Variants in RNF170 observed in about 807,000 individuals in gnomAD.
The protein encoded by RNF170 is ring finger protein 170.
Under a neutral mutation model 32.7 loss-of-function variants are expected in RNF170, and 12 were observed. The ratio of observed to expected loss-of-function variants is 0.37; its 90% CI spans 0.24 to 0.60. The LOEUF is 0.60. RNF170 is among the 20% of genes least tolerant of loss of function. The pLI is 0.72. For missense variants in RNF170, 212 were observed against 311.2 expected, an observed-to-expected ratio of 0.68 and a Z score of 2.40; for synonymous variants, 91 against 103.6, an observed-to-expected ratio of 0.88 and a Z score of 0.74.
At chr8:42,872,888 T>A (rs1263685912) in intron 3 of RNF170, among the ~76,000 whole-genome samples, 5 of 152,156 alleles carry the variant, frequency 3.3e-5, no homozygotes, top group Non-Finnish European at 7.4e-5. Context: ...GGATAAATTA[T>A]AAAACCCTTA....
rs1192374986 is a variant in RNF170 at position 42,854,432 on chromosome 8, T to TTCCCTTTCA, written c.*1726_*1727insTGAAAGGGA. On this transcript the variant is annotated 3_prime_UTR_variant, in exon 7 of 7. Transcript: ENST00000527424. ...GGGGATTGTATCTATGAAAGGGAAG[T>TTCCCTTTCA]TGGTGTCCTGCGTTCCTCACAAAAT... 3.1e-6 allele frequency: 4 copies of TTCCCTTTCA among 1,287,110 alleles called. No individual in the cohort carries two copies. In the African/African-American group the frequency reaches 6.1e-5, roughly 20 times the overall value. The allele number at this position is 1,287,110 out of a possible 1,614,324, so 79.7% of individuals were successfully genotyped here.
intron 1 of RNF170, among the ~76,000 whole-genome samples, chr8:42,891,058 C>T (rs1806260686): frequency 6.6e-6 from 1 of 152,192 alleles, no homozygotes. Context: ...TTGTTGTTCA[C>T]AGTCAGTGAT....
intron 1 of RNF170, among the ~76,000 whole-genome samples, chr8:42,892,179 T>C (rs78679368): frequency 0.03 from 4,513 of 152,308 alleles, 98 homozygotes; most frequent in African/African-American, 0.055. Flanking sequence ...TTAATGTTTA[T>C]AAATTTTTAA....
At chr8:42,886,804 C>T (rs1805862408) in intron 2 of RNF170, among the ~76,000 whole-genome samples, 1 of 152,192 alleles carries the variant, frequency 6.6e-6, no homozygotes, top group Non-Finnish European at 1.5e-5. Flanking sequence ...GGGAGGACTG[C>T]TTGAGTCCAG....
At chr8:42,897,173 G>A (rs1563284120), upstream of RNF170, 1 of 1,249,122 alleles carries the variant, frequency 8.0e-7, no homozygotes, top group African/African-American at 1.5e-5. Context: ...AGCTGTGCGA[G>A]AGCCTCCTCA....
In RNF170 at chr8:42,854,172, C is replaced by T. The variant is rs1456875312; in HGVS notation, c.*1987G>A. ...GGAAGTGTAGAATTCGGATTCATGT[C>T]ATCTCCACAGACCTTTCCTCTTAGG... On this transcript the variant is annotated 3_prime_UTR_variant, in exon 7 of 7. Coordinates refer to ENST00000527424, the MANE Select transcript of RNF170 (RefSeq NM_030954.4). 1 of 1,287,030 alleles carries T rather than the reference C, an allele frequency of 7.8e-7. No homozygotes were observed. The highest frequency in any genetic ancestry group is 1.0e-6 in the Non-Finnish European group (1 of 988,680). 79.7% of individuals were successfully genotyped at this position (1,287,030 alleles called of 1,614,324 possible). A position where few individuals can be genotyped will look rare whatever the true frequency, so the allele number is the denominator to read the frequency against.
chr8:42,855,428 G>C lies in RNF170; in HGVS notation c.*731C>G, dbSNP rs1289943784. The C allele has an allele frequency of 2.6e-6, 2 of 754,738 alleles. No individual in the cohort carries two copies. Among genetic ancestry groups the C allele is most frequent in the Non-Finnish European group, 3.9e-6 (2 of 509,144 alleles). The allele number at this position is 754,738 out of a possible 1,614,324, so 46.8% of individuals were successfully genotyped here. A position where few individuals can be genotyped will look rare whatever the true frequency, so the allele number is the denominator to read the frequency against. On this transcript the variant is annotated 3_prime_UTR_variant, in exon 7 of 7. Transcript: ENST00000527424. ...GGGTTTCACCATGTTAGCCAGGATG[G>C]TCCTGATCTCCTGACCTTGTGATCT... is the stretch of plus-strand genomic sequence containing the variant.
chr8:42,861,535 G>T, intron 6 of RNF170: 2 of 521,650 alleles, frequency 3.8e-6, no homozygotes, highest in Non-Finnish European at 6.9e-6. Context: ...TAGAGATGGG[G>T]TTTCATCATG....
intron 1 of RNF170, among the ~76,000 whole-genome samples, chr8:42,889,647 G>C (rs1253513164): frequency 6.6e-6 from 1 of 152,140 alleles, no homozygotes; most frequent in Non-Finnish European, 1.5e-5. Flanking sequence ...GCTTTCATCA[G>C]CTTTACACGG....
At chr8:42,876,599 G>C (rs968429457) in intron 2 of RNF170, among the ~76,000 whole-genome samples, 1 of 151,092 alleles carries the variant, frequency 6.6e-6, no homozygotes, top group East Asian at 1.9e-4. Context: ...CTCGAACTGT[G>C]AGAAATAAAT....
In RNF170 at chr8:42,854,935, C is replaced by T. The variant is rs1215970993; in HGVS notation, c.*1224G>A. Reference sequence around the variant, plus strand: ...GAGACAGTATTATAAAAATTTCTGACAACAGAAAACTAACAAAATTTGTCC... The same window carrying T: ...GAGACAGTATTATAAAAATTTCTGATAACAGAAAACTAACAAAATTTGTCC... On this transcript the variant is annotated 3_prime_UTR_variant, in exon 7 of 7. Transcript: ENST00000527424. The T allele has an allele frequency of 7.8e-7, 1 of 1,287,198 alleles. No homozygotes were observed. The highest frequency in any genetic ancestry group is 5.5e-5 in the East Asian group (1 of 18,028). 79.7% of individuals were successfully genotyped at this position (1,287,198 alleles called of 1,614,324 possible).
Position 42,855,920 on chromosome 8 carries a change from A to G in RNF170, c.*239T>C. On this transcript the variant is annotated 3_prime_UTR_variant, in exon 7 of 7. Coordinates refer to ENST00000527424, the MANE Select transcript of RNF170 (RefSeq NM_030954.4). ...ATTCCATATTTTTTCCAGACAACAT[A>G]GAATCAAGATACAACTGTAGATCAT... The G allele has an allele frequency of 7.7e-7, 1 of 1,293,484 alleles. No homozygotes were observed. 80.1% of individuals were successfully genotyped at this position (1,293,484 alleles called of 1,614,324 possible). A position where few individuals can be genotyped will look rare whatever the true frequency, so the allele number is the denominator to read the frequency against.
chr8:42,893,891 T>C (rs1806520014), intron 1 of RNF170, among the ~76,000 whole-genome samples: 1 of 152,174 alleles, frequency 6.6e-6, no homozygotes, highest in South Asian at 2.1e-4. Flanking sequence ...TAAGCAGCTG[T>C]GGGTGAGAAC....
At chr8:42,856,515 T>C (rs1803254771) in intron 6 of RNF170, 87 bp from the exon 7 acceptor site, 5 of 967,556 alleles carry the variant, frequency 5.2e-6, no homozygotes, top group East Asian at 5.1e-5. Flanking sequence ...TATGTAAACA[T>C]TGTTAAGATG....
At position 42,856,225 on chromosome 8, in the gene RNF170, G is replaced by C. The variant is rs202139930; in HGVS notation, c.711C>G (p.Ile237Met). 6.2e-6 allele frequency: 10 copies of C among 1,611,322 alleles called. No individual in the cohort carries two copies. The highest frequency in any genetic ancestry group is 7.6e-6 in the Non-Finnish European group (9 of 1,178,946). ...ILGFLDDFFVIFLLLIYISIM... is the reference protein window; with the variant it reads ...ILGFLDDFFVMFLLLIYISIM... ...TAGAGATGTAGATAAGCAATAAAAA[G>C]ATGACAAAGAAATCATCTAGAAAGC... The change falls in exon 7 of 7, where the codon ATC (isoleucine) becomes ATG (methionine). Residue 237 changes from isoleucine (I) to methionine (M), a missense_variant. Physicochemically the swap from Ile to Met is conservative, Grantham distance 10 (BLOSUM62 1). Around this residue, in one of 2 missense-constraint regions of RNF170, gnomAD observed 97 missense variants for 178.9 expected, o/e 0.54. Transcript: ENST00000527424.
downstream of RNF170, chr8:42,850,980 G>A: frequency 6.4e-7 from 1 of 1,551,570 alleles, no homozygotes; most frequent in South Asian, 1.2e-5. Flanking sequence ...TTGCACGGCT[G>A]CTCTTCTCTG....
chr8:42,868,630 G>A (rs771117031), intron 4 of RNF170, among the ~76,000 whole-genome samples: 2 of 152,012 alleles, frequency 1.3e-5, no homozygotes, highest in Non-Finnish European at 2.9e-5. Context: ...TGAGGTGGGT[G>A]GATCACGATG....
At chr8:42,853,097 A>G (rs1053589358), downstream of RNF170, among the ~76,000 whole-genome samples, 18 of 152,182 alleles carry the variant, frequency 1.2e-4, no homozygotes, top group Middle Eastern at 3.4e-3. Flanking sequence ...CTGCACTCCA[A>G]CCTGGGCAAG....
chr8:42,869,984 G>T lies in RNF170; in HGVS notation c.322+20C>A. On this transcript the variant is annotated intron_variant, in intron 4 of 6. Transcript: ENST00000527424. ...TGGTCTACACAGTCACTTTTCCCAA[G>T]TATAGCGTTGTTTGCTTACCACAAA... 6.4e-7 allele frequency: 1 copy of T among 1,558,758 alleles called. No homozygotes were observed. Among genetic ancestry groups the T allele is most frequent in the Non-Finnish European group, 8.9e-7 (1 of 1,129,930 alleles).
Sources: gnomAD v4.1 joint callset for allele counts (sites outside exome capture counted in the v4.1 genomes callset) on GRCh38, gnomAD v4.1.1 for gene constraint, gnomAD v4.1.1 regional missense constraint, MANE v1.5 for transcripts, NCBI Gene and HGNC (gene_info 2026-07-23, HGNC 2026-07-21) for gene names.